IL22RA2: variants seen among roughly 807,000 people sequenced by gnomAD.
IL22RA2 encodes interleukin 22 receptor subunit alpha 2, also known as interleukin-22 receptor subunit alpha-2.
In IL22RA2, 39 loss-of-function variants were observed where a neutral mutation model predicts 30.7. The observed-to-expected ratio is 1.27, with a 90% CI of 0.98 to 1.66. The LOEUF is 1.66. Ranked by LOEUF, IL22RA2 falls within the 40% of genes most tolerant of loss-of-function variation. The probability of loss-of-function intolerance (pLI) is 0.00; values close to 1 mark genes in which losing one functional copy is unlikely to be tolerated. For synonymous variants in IL22RA2, 103 were observed against 105.0 expected (o/e 0.98, Z 0.11); for missense variants, 315 against 312.7 (o/e 1.01, Z -0.05).
intron 1 of IL22RA2, among the ~76,000 whole-genome samples, chr6:137,168,184 C>G (rs1206655408): frequency 6.6e-6 from 1 of 152,200 alleles, no homozygotes; most frequent in Non-Finnish European, 1.5e-5. Flanking sequence ...GACTAAAACT[C>G]TGTTATACCA....
chr6:137,172,756 AT>A (rs1365699861), intron 1 of IL22RA2, among the ~76,000 whole-genome samples: 1 of 152,150 alleles, frequency 6.6e-6, no homozygotes, highest in Non-Finnish European at 1.5e-5. Flanking sequence ...TCTTGAACAG[AT>A]TTGATTCTCT....
intron 1 of IL22RA2, 31 bp downstream of exon 1, chr6:137,173,382 A>T (rs1047824161): frequency 1.3e-5 from 2 of 152,236 alleles, no homozygotes; most frequent in African/African-American, 4.8e-5. Flanking sequence ...TCTCAAAAAA[A>T]TAAATAAATA....
intron 3 of IL22RA2, among the ~76,000 whole-genome samples, chr6:137,158,058 T>C (rs938574467): frequency 2.0e-5 from 3 of 152,170 alleles, no homozygotes; most frequent in Non-Finnish European, 4.4e-5. Context: ...GACAAATCTA[T>C]ATTGAGAACC....
intron 5 of IL22RA2, among the ~76,000 whole-genome samples, chr6:137,154,573 C>T (rs1778357707): frequency 6.6e-6 from 1 of 152,122 alleles, no homozygotes; most frequent in Non-Finnish European, 1.5e-5. Flanking sequence ...CAAGATCGTG[C>T]CACTGCACTC....
chr6:137,151,038 CA>C (rs1170807429), intron 5 of IL22RA2, among the ~76,000 whole-genome samples: 2 of 152,042 alleles, frequency 1.3e-5, no homozygotes, highest in East Asian at 3.8e-4. Flanking sequence ...GAATGCAAAG[CA>C]AAAGGCTCAT....
At position 137,145,384 on chromosome 6, in the gene IL22RA2, T is replaced by A. The variant is rs1236896339; in HGVS notation, c.*240A>T. 4 of 377,752 alleles carry A rather than the reference T, an allele frequency of 1.1e-5. No homozygotes were observed. Among genetic ancestry groups the A allele is most frequent in the Non-Finnish European group, 1.9e-5 (4 of 213,540 alleles). The allele number at this position is 377,752 out of a possible 1,614,324, so 23.4% of individuals were successfully genotyped here. On this transcript the variant is annotated 3_prime_UTR_variant, in exon 7 of 7. Transcript: ENST00000296980. ...TAAAGTTCTGAATTTCATAGAACACTTTATTCTCTGCCTCATCTTTACATT... is the reference window on the plus strand; with the variant it reads ...TAAAGTTCTGAATTTCATAGAACACATTATTCTCTGCCTCATCTTTACATT...
chr6:137,165,580 A>G (rs1471370456), intron 1 of IL22RA2, among the ~76,000 whole-genome samples: 8 of 152,192 alleles, frequency 5.3e-5, no homozygotes, highest in Non-Finnish European at 1.0e-4. Context: ...AGGACAAACT[A>G]GGTAAAACCA....
At position 137,161,780 on chromosome 6, in the gene IL22RA2, T is replaced by A; in HGVS notation, c.-31A>T. 1 of 1,593,260 alleles carries A rather than the reference T, an allele frequency of 6.3e-7. No individual in the cohort carries two copies. Among genetic ancestry groups the A allele is most frequent in the Non-Finnish European group, 8.6e-7 (1 of 1,162,552 alleles). ...CAAGTGTGACTGTTCAGGCAACCAG[T>A]GTTCCTTTTAACCAGCTCAGGACCA... is the stretch of plus-strand genomic sequence containing the variant. On this transcript the variant is annotated 5_prime_UTR_variant, in exon 2 of 7. Transcript: ENST00000296980.
At chr6:137,157,463 G>T (rs1240322822) in intron 3 of IL22RA2, among the ~76,000 whole-genome samples, 1 of 152,164 alleles carries the variant, frequency 6.6e-6, no homozygotes, top group African/African-American at 2.4e-5. Context: ...AGATGGAGAT[G>T]CTTCTGGGGA....
Position 137,156,759 on chromosome 6 carries a change from T to C in IL22RA2, c.293A>G (p.Lys98Arg). 1 of 1,613,520 alleles carries C rather than the reference T, an allele frequency of 6.2e-7. No individual in the cohort carries two copies. The highest frequency in any genetic ancestry group is 1.3e-5 in the African/African-American group (1 of 75,038). The change falls in exon 4 of 7, where the codon AAA becomes AGA. Residue 98 changes from lysine (K) to arginine (R), a missense_variant and splice_region_variant. Transcript: ENST00000296980. ...TAATTGATAAGGAAAAGAGGTGTAC[T>C]TAGCCAATGTTCTGCAGCCTGGGAA... ...CNFPGCRTLA[K>R]YGQRQWKNKE...
At chr6:137,165,862 T>C (rs9494681) in intron 1 of IL22RA2, among the ~76,000 whole-genome samples, 12,061 of 152,192 alleles carry the variant, frequency 0.079, 1,167 homozygotes, top group African/African-American at 0.23. Context: ...CGGTTGTCAC[T>C]CTGATGGAGC....
Position 137,149,064 on chromosome 6 carries a change from C to A in IL22RA2, c.473-1173G>T, listed in dbSNP as rs117711565. Among the ~76,000 whole-genome samples the A allele has an allele frequency of 9.9e-3, 1,504 of 152,282 alleles. 11 individuals are homozygous for A. The highest frequency in any genetic ancestry group is 0.024 in the Middle Eastern group (7 of 294). The stretch of plus-strand genomic sequence containing the variant: ...ATTACCTTCCCGCACTATTCATGAA[C>A]ATATCAGCCCACAGATTTCCTCCTA... On this transcript the variant is annotated intron_variant, in intron 5 of 6. Transcript: ENST00000296980.
chr6:137,163,032 A>G (rs576900175), intron 1 of IL22RA2, among the ~76,000 whole-genome samples: 8 of 152,378 alleles, frequency 5.3e-5, no homozygotes, highest in African/African-American at 1.9e-4. Flanking sequence ...CTCTGTGGAC[A>G]GTGGACCTTA....
chr6:137,151,286 T>C (rs949918018), intron 5 of IL22RA2, among the ~76,000 whole-genome samples: 1 of 152,198 alleles, frequency 6.6e-6, no homozygotes, highest in Non-Finnish European at 1.5e-5. Context: ...TCTATTGATT[T>C]TCAACAAGTG....
intron 6 of IL22RA2, among the ~76,000 whole-genome samples, chr6:137,147,222 A>G (rs1245232631): frequency 2.9e-5 from 4 of 139,472 alleles, no homozygotes; most frequent in Non-Finnish European, 6.2e-5. Flanking sequence ...AAAAAGCTGG[A>G]TGTGATGGGC....
chr6:137,171,929 GTGC>G (rs1397321047), intron 1 of IL22RA2, among the ~76,000 whole-genome samples: 7 of 152,288 alleles, frequency 4.6e-5, no homozygotes, highest in South Asian at 2.1e-4. Flanking sequence ...GAAGTTTTTG[GTGC>G]TTATAAGGTA....
chr6:137,154,723 C>G (rs1421065837), intron 5 of IL22RA2, among the ~76,000 whole-genome samples: 1 of 152,040 alleles, frequency 6.6e-6, no homozygotes, highest in Non-Finnish European at 1.5e-5. Context: ...ATACAGATTG[C>G]GAGATTGGAG....
chr6:137,154,863 G>T (rs1026440186), intron 5 of IL22RA2, 78 bp downstream of exon 5: 2 of 1,215,864 alleles, frequency 1.6e-6, no homozygotes, highest in Non-Finnish European at 2.4e-6. Flanking sequence ...AAAGCACAAG[G>T]CCTAGTCACT....
chr6:137,156,217 C>G (rs1778403596), intron 4 of IL22RA2, among the ~76,000 whole-genome samples: 1 of 152,132 alleles, frequency 6.6e-6, no homozygotes. Flanking sequence ...GTTTCCTTAC[C>G]TGCCATAAAT....
Sources: allele counts gnomAD v4.1 joint callset (sites outside exome capture counted in the v4.1 genomes callset), GRCh38; gene constraint gnomAD v4.1.1; transcripts MANE v1.5; gene names NCBI Gene and HGNC (gene_info 2026-07-23, HGNC 2026-07-21).